ATP9B: variants seen among roughly 807,000 people sequenced by gnomAD.
The protein encoded by ATP9B is ATPase phospholipid transporting 9B.
Under a neutral mutation model 146.1 loss-of-function variants are expected in ATP9B, and 110 were observed. The observed-to-expected ratio is 0.75, with a 90% CI of 0.65 to 0.88. ATP9B has a LOEUF of 0.88. ATP9B is among the 40% of genes least tolerant of loss of function. The probability of loss-of-function intolerance (pLI) is 0.00; values close to 1 mark genes in which losing one functional copy is unlikely to be tolerated. For synonymous variants in ATP9B, 604 were observed against 569.7 expected, an observed-to-expected ratio of 1.06 and a Z score of -0.86; for missense variants, 1,499 against 1,496.4, an observed-to-expected ratio of 1.00 and a Z score of -0.03.
chr18:79,191,301 T>C (rs1407138968), intron 8 of ATP9B, among the ~76,000 whole-genome samples: 1 of 152,226 alleles, frequency 6.6e-6, no homozygotes, highest in East Asian at 1.9e-4. Context: ...TTTGATATTT[T>C]TAAATTTTAT....
intron 6 of ATP9B, among the ~76,000 whole-genome samples, chr18:79,147,415 A>G (rs1032605188): frequency 6.6e-6 from 1 of 152,252 alleles, no homozygotes; most frequent in Non-Finnish European, 1.5e-5. Flanking sequence ...TCTATAGAAC[A>G]TTCACCAAGA....
intron 9 of ATP9B, among the ~76,000 whole-genome samples, chr18:79,198,114 C>G (rs1246287522): frequency 6.6e-6 from 1 of 151,870 alleles, no homozygotes; most frequent in Non-Finnish European, 1.5e-5. Context: ...TGTATATTCA[C>G]TAATTACAAT....
Position 79,256,917 on chromosome 18 carries a change from A to C in ATP9B, c.1268+3376A>C, listed in dbSNP as rs147955260. Among the ~76,000 whole-genome samples, 365 of 152,312 alleles carry C rather than the reference A, an allele frequency of 2.4e-3. 2 individuals carry two copies. Among genetic ancestry groups the C allele is most frequent in the South Asian group, 6.4e-3 (31 of 4,826 alleles). On this transcript the variant is annotated intron_variant, in intron 12 of 29. Transcript: ENST00000426216. ...AAGGATAAGGGCTTTTAGCAGGGTA[A>C]ATTTCATTTACAGAAGAATAACCTT...
chr18:79,347,986 GA>G, intron 24 of ATP9B, 61 bp downstream of exon 24: 1 of 1,606,186 alleles, frequency 6.2e-7, no homozygotes, highest in African/African-American at 1.3e-5. Flanking sequence ...CAGGGTCCGG[GA>G]AGGGCAGGGT....
At chr18:79,260,740 A>T (rs929394757) in intron 12 of ATP9B, among the ~76,000 whole-genome samples, 2 of 152,244 alleles carry the variant, frequency 1.3e-5, no homozygotes, top group African/African-American at 4.8e-5. Flanking sequence ...AGAAAGAGGA[A>T]GAATGACCCC....
chr18:79,324,519 C>T (rs1256276110), intron 15 of ATP9B, among the ~76,000 whole-genome samples: 1 of 152,080 alleles, frequency 6.6e-6, no homozygotes, highest in Non-Finnish European at 1.5e-5. Context: ...AGATGTCAAG[C>T]AGAAAAGGGT....
chr18:79,167,947 G>A (rs2095002687), intron 7 of ATP9B, among the ~76,000 whole-genome samples: 1 of 152,162 alleles, frequency 6.6e-6, no homozygotes, highest in Non-Finnish European at 1.5e-5. Context: ...CCACCCTCCC[G>A]TGCTTGTTGG....
chr18:79,213,323 G>A (rs1410682015), intron 10 of ATP9B, among the ~76,000 whole-genome samples: 1 of 151,984 alleles, frequency 6.6e-6, no homozygotes, highest in Non-Finnish European at 1.5e-5. Context: ...TTTAGCCTTT[G>A]AAATCTATCG....
chr18:79,331,906 A>T (rs1206637208), intron 17 of ATP9B, among the ~76,000 whole-genome samples: 1 of 152,188 alleles, frequency 6.6e-6, no homozygotes, highest in East Asian at 1.9e-4. Context: ...ATTGTAAAGG[A>T]AACAAGTACA....
intron 12 of ATP9B, chr18:79,254,711 T>G (rs966260831): frequency 6.6e-6 from 1 of 152,592 alleles, no homozygotes; most frequent in African/African-American, 2.4e-5. Context: ...GCTTCCCCGC[T>G]CTCCTCTCCC....
chr18:79,166,447 G>T (rs2094966476), intron 7 of ATP9B, among the ~76,000 whole-genome samples: 1 of 152,184 alleles, frequency 6.6e-6, no homozygotes, highest in African/African-American at 2.4e-5. Flanking sequence ...GCCAAATGAT[G>T]CATGGTCCTC....
intron 2 of ATP9B, among the ~76,000 whole-genome samples, chr18:79,107,521 C>T (rs546648693): frequency 6.6e-6 from 1 of 152,208 alleles, no homozygotes; most frequent in Admixed American, 6.5e-5. Flanking sequence ...GGGGCTTCCT[C>T]CGTGGGCGGC....
intron 26 of ATP9B, chr18:79,364,011 T>G (rs2097009437): frequency 6.6e-6 from 1 of 152,360 alleles, no homozygotes. Flanking sequence ...CTCACGCCTG[T>G]AATCCCAGCA....
chr18:79,108,274 A>G (rs2075785337), intron 2 of ATP9B, among the ~76,000 whole-genome samples: 1 of 152,204 alleles, frequency 6.6e-6, no homozygotes, highest in Non-Finnish European at 1.5e-5. Flanking sequence ...AGTCATTGAA[A>G]GCTTACTCTA....
At chr18:79,291,791 A>C (rs2096505818) in intron 13 of ATP9B, among the ~76,000 whole-genome samples, 1 of 152,242 alleles carries the variant, frequency 6.6e-6, no homozygotes, top group Non-Finnish European at 1.5e-5. Flanking sequence ...GTTTAATTCA[A>C]ATGGTCAACT....
At chr18:79,148,928 G>A (rs975035872) in intron 6 of ATP9B, among the ~76,000 whole-genome samples, 1 of 152,168 alleles carries the variant, frequency 6.6e-6, no homozygotes, top group Non-Finnish European at 1.5e-5. Context: ...TAATGAAAAT[G>A]TGGGCACAGA....
chr18:79,190,299 AT>A (rs1184200463), intron 8 of ATP9B, among the ~76,000 whole-genome samples: 1 of 152,172 alleles, frequency 6.6e-6, no homozygotes, highest in Non-Finnish European at 1.5e-5. Context: ...AACTTTAAAC[AT>A]TTAAAAAAAA....
chr18:79,366,650 G>A (rs2097031157), intron 26 of ATP9B, among the ~76,000 whole-genome samples: 1 of 152,184 alleles, frequency 6.6e-6, no homozygotes, highest in Non-Finnish European at 1.5e-5. Context: ...GCATGACTTA[G>A]TAAACACACA....
At chr18:79,261,314 G>T (rs149388192) in intron 12 of ATP9B, among the ~76,000 whole-genome samples, 1 of 152,176 alleles carries the variant, frequency 6.6e-6, no homozygotes, top group Admixed American at 6.5e-5. Context: ...TGAGAAAAGA[G>T]TCTTTGCAGT....
Sources: gnomAD v4.1 joint callset for allele counts (sites outside exome capture counted in the v4.1 genomes callset) on GRCh38, gnomAD v4.1.1 for gene constraint, MANE v1.5 for transcripts, NCBI Gene and HGNC (gene_info 2026-07-23, HGNC 2026-07-21) for gene names.